The following PCDHGB5 variants were observed in gnomAD, a reference collection of about 807,000 sequenced individuals.
PCDHGB5 encodes the protein protocadherin gamma subfamily B, 5.
PCDHGB5 carries 48 observed loss-of-function variants against 62.9 expected under a neutral mutation model. The ratio of observed to expected loss-of-function variants is 0.76; its 90% CI spans 0.61 to 0.97. The LOEUF is 0.97. Among genes scored for constraint, PCDHGB5 ranks in the 50% least tolerant of loss-of-function variants. The probability of loss-of-function intolerance (pLI) is 0.00; values close to 1 mark genes in which losing one functional copy is unlikely to be tolerated. For synonymous variants in PCDHGB5, 474 were observed against 511.2 expected (o/e 0.93, Z 0.98); for missense variants, 1,118 against 1,198.6 (o/e 0.93, Z 0.99).
At position 141,398,625 on chromosome 5, in the gene PCDHGB5, T is replaced by C. The variant is rs777533974; in HGVS notation, c.498T>C (p.Ser166=). The C allele has an allele frequency of 6.2e-7, 1 of 1,614,046 alleles. No homozygotes were observed. Among genetic ancestry groups the C allele is most frequent in the South Asian group, 1.1e-5 (1 of 91,086 alleles). ...AAGATGCAGATATTGGCTTAAACTCTCTGCAGAAGTATAAACTCTCTCTTA... is the reference window on the plus strand; with the variant it reads ...AAGATGCAGATATTGGCTTAAACTCCCTGCAGAAGTATAAACTCTCTCTTA... The part of the protein sequence containing the change: ...VAEDADIGLN[S]LQKYKLSLNP... The change falls in exon 1 of 4, where the codon TCT becomes TCC. Residue 166 remains serine, a synonymous_variant. Transcript: ENST00000617380.
At position 141,415,070 on chromosome 5, in the gene PCDHGB5, C is replaced by G. The variant is rs538474552; in HGVS notation, c.2397+14546C>G. ...GGGGAGCACACGGGCGAGGTGCGCACGGCGCGAGCCCTGCTGGACAGAGAC... is the reference window on the plus strand; with the variant it reads ...GGGGAGCACACGGGCGAGGTGCGCAGGGCGCGAGCCCTGCTGGACAGAGAC... On this transcript the variant is annotated intron_variant, in intron 1 of 3. Coordinates refer to ENST00000617380, the MANE Select transcript of PCDHGB5 (RefSeq NM_018925.3). 26 of 1,613,284 alleles carry G rather than the reference C, an allele frequency of 1.6e-5. No homozygotes were observed. The Middle Eastern group carries it at 1.5e-3, about 92-fold the overall frequency.
rs767547572 is a variant in PCDHGB5 at position 141,505,495 on chromosome 5, G to C, written c.2545+14G>C. On this transcript the variant is annotated intron_variant, in intron 3 of 3. Coordinates refer to ENST00000617380, the MANE Select transcript of PCDHGB5 (RefSeq NM_018925.3). The stretch of plus-strand genomic sequence containing the variant: ...CGTCCGCCAGTGGTAAGTGGTGTCA[G>C]TGTGTGTATGGAAGAGTGGGAGACC... 5 of 1,614,210 alleles carry C rather than the reference G, an allele frequency of 3.1e-6. No individual in the cohort carries two copies. Among genetic ancestry groups the C allele is most frequent in the Non-Finnish European group, 4.2e-6 (5 of 1,180,000 alleles).
Position 141,487,229 on chromosome 5 carries a change from G to A in PCDHGB5, c.2398-7578G>A. On this transcript the variant is annotated intron_variant, in intron 1 of 3. Coordinates refer to ENST00000617380, the MANE Select transcript of PCDHGB5 (RefSeq NM_018925.3). The surrounding 1 kb of genome is among the most constrained non-coding windows in gnomAD (Gnocchi z 5.0). ...AGAATCTTCAGCTCCAAGGGAAGGA[G>A]AATCTCGTCTAACCCTCTACTTGGC... is the stretch of plus-strand genomic sequence containing the variant. The A allele has an allele frequency of 6.2e-7, 1 of 1,614,138 alleles. No individual in the cohort carries two copies. The highest frequency in any genetic ancestry group is 8.5e-7 in the Non-Finnish European group (1 of 1,179,994).
intron 1 of PCDHGB5, among the ~76,000 whole-genome samples, chr5:141,479,050 C>T (rs1484021560): frequency 6.6e-6 from 1 of 152,164 alleles, no homozygotes; most frequent in African/African-American, 2.4e-5. Context: ...ACCTCATTCT[C>T]AGATAATTTT....
chr5:141,430,395 A>C (rs1461176471), intron 1 of PCDHGB5, among the ~76,000 whole-genome samples: 1 of 152,096 alleles, frequency 6.6e-6, no homozygotes, highest in Non-Finnish European at 1.5e-5. Context: ...AAAAAAAAAA[A>C]AGCTCACTAA....
At chr5:141,404,112 A>G (rs372014000) in intron 1 of PCDHGB5, 3 of 1,613,380 alleles carry the variant, frequency 1.9e-6, no homozygotes, top group Non-Finnish European at 2.5e-6. Context: ...TGTTCTATCC[A>G]GGAGAATCTA....
At position 141,432,724 on chromosome 5, in the gene PCDHGB5, C is replaced by T. The variant is rs752394602; in HGVS notation, c.2397+32200C>T. ...AGGACCACGGCCAGCCCCCTCTCTCCGCCACTGTCACGCTCACCGTGGCCG... is the reference window on the plus strand; with the variant it reads ...AGGACCACGGCCAGCCCCCTCTCTCTGCCACTGTCACGCTCACCGTGGCCG... On this transcript the variant is annotated intron_variant, in intron 1 of 3. Coordinates refer to ENST00000617380, the MANE Select transcript of PCDHGB5 (RefSeq NM_018925.3). The surrounding 1 kb of genome is among the most constrained non-coding windows in gnomAD (Gnocchi z 6.0). The T allele has an allele frequency of 8.1e-6, 13 of 1,614,066 alleles. No individual in the cohort carries two copies. Among genetic ancestry groups the T allele is most frequent in the Middle Eastern group, 1.6e-4 (1 of 6,062 alleles).
At position 141,454,796 on chromosome 5, in the gene PCDHGB5, ATTT is replaced by A. The variant is rs61612330; in HGVS notation, c.2398-39984_2398-39982del. On this transcript the variant is annotated intron_variant, in intron 1 of 3. Coordinates refer to ENST00000617380, the MANE Select transcript of PCDHGB5 (RefSeq NM_018925.3). ...AAGGAAATAATCCTCCATGGTTCTA[ATTT>A]TTTTTTTTTTTTTTTTTTTTTTTTT... is the stretch of plus-strand genomic sequence containing the variant. 8.4e-3 allele frequency among the ~76,000 whole-genome samples: 651 copies of A among 77,268 alleles called. 2 individuals are homozygous for A. Among genetic ancestry groups the A allele is most frequent in the African/African-American group, 0.012 (206 of 16,834 alleles). The allele number at this position is 77,268 out of a possible 152,430, so 50.7% of individuals were successfully genotyped here. A position where few individuals can be genotyped will look rare whatever the true frequency, so the allele number is the denominator to read the frequency against.
At chr5:141,426,507 C>G in intron 1 of PCDHGB5, 1 of 342,512 alleles carries the variant, frequency 2.9e-6, no homozygotes, top group Non-Finnish European at 5.8e-6. Context: ...AGAAACAATA[C>G]TTTACCGTGA....
intron 1 of PCDHGB5, chr5:141,405,288 T>C: frequency 6.2e-7 from 1 of 1,614,110 alleles, no homozygotes; most frequent in African/African-American, 1.3e-5. Context: ...GCAGACACAC[T>C]CATCAGCCAG....
chr5:141,451,789 G>A (rs2098724524), intron 1 of PCDHGB5, among the ~76,000 whole-genome samples: 1 of 152,074 alleles, frequency 6.6e-6, no homozygotes, highest in South Asian at 2.1e-4. Flanking sequence ...GCTGAGGCCA[G>A]AGAATTGCTT....
chr5:141,480,414 CA>C (rs10712552), intron 1 of PCDHGB5, among the ~76,000 whole-genome samples: 43,347 of 147,074 alleles, frequency 0.29, 6,620 homozygotes, highest in African/African-American at 0.4. Flanking sequence ...GACCCTGTCT[CA>C]AAAAAAAAAA....
In PCDHGB5 at chr5:141,476,264, G is replaced by A. The variant is rs753184649; in HGVS notation, c.2398-18543G>A. The A allele has an allele frequency of 2.5e-6, 4 of 1,614,082 alleles. No individual in the cohort carries two copies. The highest frequency in any genetic ancestry group is 3.4e-6 in the Non-Finnish European group (4 of 1,180,010). Reference sequence around the variant, plus strand: ...AGAGAAGGGTTTCGCTGTGGGCAACGTGGTCGCGAACCTTGGTTTGGATCT... The same window carrying A: ...AGAGAAGGGTTTCGCTGTGGGCAACATGGTCGCGAACCTTGGTTTGGATCT... On this transcript the variant is annotated intron_variant, in intron 1 of 3. Coordinates refer to ENST00000617380, the MANE Select transcript of PCDHGB5 (RefSeq NM_018925.3). The surrounding 1 kb of genome is among the most constrained non-coding windows in gnomAD (Gnocchi z 7.6).
At chr5:141,403,836 A>G (rs370798833) in intron 1 of PCDHGB5, 8 of 1,613,670 alleles carry the variant, frequency 5.0e-6, no homozygotes, top group African/African-American at 1.3e-5. Context: ...TTCCAGCTTA[A>G]TGAAAATACT....
chr5:141,404,071 C>T, intron 1 of PCDHGB5: 2 of 1,613,734 alleles, frequency 1.2e-6, no homozygotes, highest in Non-Finnish European at 1.7e-6. Context: ...ATGCTCATGA[C>T]CGAGACTCCG....
At position 141,428,093 on chromosome 5, in the gene PCDHGB5, C is replaced by T. The variant is rs577985465; in HGVS notation, c.2397+27569C>T. On this transcript the variant is annotated intron_variant, in intron 1 of 3. Transcript: ENST00000617380. ...ATTCGGGACACAACGCTTGGCTGTC[C>T]TACCACGTGCTGCAGGCCATCGAGC... 2.4e-4 allele frequency: 380 copies of T among 1,608,880 alleles called. 2 individuals are homozygous for T. The South Asian group carries it at 4.0e-3, about 17-fold the overall frequency.
chr5:141,434,727 A>C (rs1344107083), intron 1 of PCDHGB5, among the ~76,000 whole-genome samples: 1 of 152,052 alleles, frequency 6.6e-6, no homozygotes. Context: ...CAGGGCTCTC[A>C]GCTCTGAAGG....
At chr5:141,440,551 T>C (rs1220901075) in intron 1 of PCDHGB5, 2 of 152,350 alleles carry the variant, frequency 1.3e-5, no homozygotes, top group East Asian at 1.9e-4. Context: ...GCAGGAATGT[T>C]ATTAAGTTAC....
At chr5:141,436,384 CT>C (rs768914860) in intron 1 of PCDHGB5, among the ~76,000 whole-genome samples, 1 of 152,104 alleles carries the variant, frequency 6.6e-6, no homozygotes, top group Non-Finnish European at 1.5e-5. Context: ...GCTGAATAGG[CT>C]TTATTAAATA....
Sources: allele counts gnomAD v4.1 joint callset (sites outside exome capture counted in the v4.1 genomes callset), GRCh38; gene constraint gnomAD v4.1.1; non-coding constraint Gnocchi (gnomAD v3.1); transcripts MANE v1.5; gene names NCBI Gene and HGNC (gene_info 2026-07-23, HGNC 2026-07-21).